TMEM132C: variants seen among roughly 807,000 people sequenced by gnomAD.
TMEM132C encodes transmembrane protein 132C.
Under a neutral mutation model 61.4 loss-of-function variants are expected in TMEM132C, and 29 were observed. The observed-to-expected ratio is 0.47, with a 90% confidence interval of 0.35 to 0.64. The LOEUF is 0.64. TMEM132C is among the 30% of genes least tolerant of loss of function. The probability of loss-of-function intolerance (pLI) is 0.00; values close to 1 mark genes in which losing one functional copy is unlikely to be tolerated. For missense variants in TMEM132C, 1,408 were observed against 1,476.9 expected (o/e 0.95, Z 0.76); for synonymous variants, 656 against 633.1 (o/e 1.04, Z -0.54).
At chr12:128,680,241 T>G (rs1051346078) in intron 5 of TMEM132C, among the ~76,000 whole-genome samples, 1 of 152,176 alleles carries the variant, frequency 6.6e-6, no homozygotes, top group African/African-American at 2.4e-5. Context: ...CAGGTACTAC[T>G]CTAAGTCTTA....
intron 3 of TMEM132C, among the ~76,000 whole-genome samples, chr12:128,592,568 G>A (rs866204482): frequency 6.6e-6 from 1 of 152,222 alleles, no homozygotes; most frequent in Non-Finnish European, 1.5e-5. Flanking sequence ...GATAAAGAAC[G>A]ACTTCCTGGC....
chr12:128,352,517 A>G (rs1455107893), intron 1 of TMEM132C, among the ~76,000 whole-genome samples: 1 of 152,192 alleles, frequency 6.6e-6, no homozygotes, highest in Non-Finnish European at 1.5e-5. Context: ...TACTGATTCA[A>G]AAGTTAATCT....
chr12:128,388,307 G>T (rs1874652351), intron 1 of TMEM132C, among the ~76,000 whole-genome samples: 1 of 152,250 alleles, frequency 6.6e-6, no homozygotes, highest in African/African-American at 2.4e-5. Context: ...TCCAGCCGAT[G>T]GCTGCCAGGC....
intron 1 of TMEM132C, among the ~76,000 whole-genome samples, chr12:128,366,732 A>G (rs1361693367): frequency 1.3e-5 from 2 of 152,180 alleles, no homozygotes. Context: ...TGGGGATGGC[A>G]CTGGAAGTGT....
At chr12:128,307,077 A>T (rs1032202924) in intron 1 of TMEM132C, among the ~76,000 whole-genome samples, 1 of 152,142 alleles carries the variant, frequency 6.6e-6, no homozygotes, top group Non-Finnish European at 1.5e-5. Context: ...TCTTTCTGGC[A>T]TCCTTAAGGT....
intron 1 of TMEM132C, among the ~76,000 whole-genome samples, chr12:128,275,214 G>A (rs1870645719): frequency 1.3e-5 from 2 of 152,166 alleles, no homozygotes; most frequent in African/African-American, 2.4e-5. Flanking sequence ...TTAGGAACTA[G>A]GCTGCAGAGC....
chr12:128,527,718 T>TGG (rs1165309283), intron 2 of TMEM132C, among the ~76,000 whole-genome samples: 3 of 151,552 alleles, frequency 2.0e-5, no homozygotes, highest in Admixed American at 2.0e-4. Context: ...TGTGTGTGTG[T>TGG]GTGTGTGTGT....
At chr12:128,345,698 C>T (rs1040757005) in intron 1 of TMEM132C, among the ~76,000 whole-genome samples, 14 of 152,116 alleles carry the variant, frequency 9.2e-5, no homozygotes, top group Admixed American at 5.2e-4. Context: ...GATTGTTGGC[C>T]GCATATATGT....
intron 4 of TMEM132C, among the ~76,000 whole-genome samples, chr12:128,629,858 C>T (rs375369820): frequency 2.0e-5 from 3 of 151,364 alleles, no homozygotes; most frequent in African/African-American, 2.4e-5. Flanking sequence ...CCCAGCTACT[C>T]GGGAGACTGA....
Position 128,705,399 on chromosome 12 carries a change from G to T in TMEM132C, c.2431G>T (p.Asp811Tyr). The T allele has an allele frequency of 6.4e-7, 1 of 1,551,074 alleles. No individual in the cohort carries two copies. The highest frequency in any genetic ancestry group is 8.7e-7 in the Non-Finnish European group (1 of 1,146,990). ...CGATGCTGACTCCAGCCCCGGCGGG[G>T]ACTATGAGGAAGATGAGATCAAGAA... is the stretch of plus-strand genomic sequence containing the variant. The part of the protein sequence containing the change: ...QNDADSSPGG[D>Y]YEEDEIKNHA... Residue 811 changes from aspartate (D) to tyrosine (Y), a missense_variant, in exon 9 of 9, where the codon GAC (aspartate) becomes TAC (tyrosine). By Grantham distance (160) the Asp-to-Tyr change is radical. Coordinates refer to ENST00000435159, the MANE Select transcript of TMEM132C (RefSeq NM_001136103.3).
chr12:128,352,528 C>A (rs944634631), intron 1 of TMEM132C, among the ~76,000 whole-genome samples: 5 of 152,190 alleles, frequency 3.3e-5, no homozygotes, highest in African/African-American at 4.8e-5. Flanking sequence ...AAGTTAATCT[C>A]ATCCCAAAAC....
chr12:128,348,024 T>G (rs1301491342), intron 1 of TMEM132C, among the ~76,000 whole-genome samples: 1 of 152,230 alleles, frequency 6.6e-6, no homozygotes, highest in African/African-American at 2.4e-5. Flanking sequence ...TGTAATCAAT[T>G]TGGGGAGTGT....
In TMEM132C at chr12:128,334,104, C is replaced by T. The variant is rs372542143; in HGVS notation, c.85+66617C>T. ...CTCTGGTTCTCAGGAATCTCTCCACCTCACCCCACCTTAACAAACACTGAA... is the reference window on the plus strand; with the variant it reads ...CTCTGGTTCTCAGGAATCTCTCCACTTCACCCCACCTTAACAAACACTGAA... On this transcript the variant is annotated intron_variant, in intron 1 of 8. Transcript: ENST00000435159. 2.3e-3 allele frequency among the ~76,000 whole-genome samples: 353 copies of T among 152,212 alleles called. 3 individuals are homozygous for T. Among genetic ancestry groups the T allele is most frequent in the Middle Eastern group, 0.01 (3 of 294 alleles).
At chr12:128,281,442 A>G (rs1341212853) in intron 1 of TMEM132C, among the ~76,000 whole-genome samples, 1 of 152,194 alleles carries the variant, frequency 6.6e-6, no homozygotes, top group Non-Finnish European at 1.5e-5. Flanking sequence ...CAATTGTAGC[A>G]TCAAACCTCA....
intron 4 of TMEM132C, among the ~76,000 whole-genome samples, chr12:128,626,019 C>A (rs987069894): frequency 1.6e-4 from 25 of 152,130 alleles, no homozygotes; most frequent in African/African-American, 5.8e-4. Context: ...TTCTTCACTG[C>A]TTTGAAAGTA....
At chr12:128,540,525 T>C (rs1263336236) in intron 2 of TMEM132C, among the ~76,000 whole-genome samples, 5 of 152,228 alleles carry the variant, frequency 3.3e-5, no homozygotes, top group Admixed American at 1.3e-4. Context: ...GTGCTGGGAT[T>C]ACAGGCATGA....
At chr12:128,335,740 C>A (rs1872777658) in intron 1 of TMEM132C, among the ~76,000 whole-genome samples, 1 of 152,128 alleles carries the variant, frequency 6.6e-6, no homozygotes, top group Non-Finnish European at 1.5e-5. Flanking sequence ...GGGGTAGATA[C>A]CTGCATTATC....
chr12:128,459,132 G>A (rs1870443430), intron 2 of TMEM132C, among the ~76,000 whole-genome samples: 1 of 152,246 alleles, frequency 6.6e-6, no homozygotes. Flanking sequence ...GACTGGACCA[G>A]CAGCCCCTTT....
At chr12:128,497,180 C>T (rs771975493) in intron 2 of TMEM132C, among the ~76,000 whole-genome samples, 8 of 152,204 alleles carry the variant, frequency 5.3e-5, no homozygotes, top group Admixed American at 3.3e-4. Context: ...GCTGCCTGAT[C>T]GTTCCTCTGG....
Sources: allele counts gnomAD v4.1 joint callset (sites outside exome capture counted in the v4.1 genomes callset), GRCh38; gene constraint gnomAD v4.1.1; transcripts MANE v1.5; gene names NCBI Gene and HGNC (gene_info 2026-07-23, HGNC 2026-07-21).